Variants in IQCE observed in about 807,000 individuals in gnomAD.
The protein encoded by IQCE is IQ domain-containing protein E.
IQCE carries 115 observed loss-of-function variants against 96.0 expected under a neutral mutation model. The observed-to-expected ratio is 1.20, with a 90% CI of 1.03 to 1.40. The LOEUF is 1.40. Ranked by LOEUF, IQCE falls within the 40% of genes most tolerant of loss-of-function variation. The pLI, the probability that IQCE is intolerant of heterozygous loss-of-function variation, is 0.00. For missense variants in IQCE, 1,041 were observed against 909.1 expected, an observed-to-expected ratio of 1.15 and a Z score of -1.87; for synonymous variants, 412 against 371.2, an observed-to-expected ratio of 1.11 and a Z score of -1.26.
chr7:2,607,934 G>A (rs1784947879), intron 21 of IQCE, among the ~76,000 whole-genome samples: 1 of 152,230 alleles, frequency 6.6e-6, no homozygotes, highest in Admixed American at 6.5e-5. Context: ...GGAGGGGAGT[G>A]TGGCGTGCGG....
At chr7:2,572,927 T>C (rs956056868) in intron 5 of IQCE, 17 of 340,626 alleles carry the variant, frequency 5.0e-5, no homozygotes, top group Non-Finnish European at 9.6e-5. Context: ...CTCACTGTAC[T>C]CCAGGAATTG....
At position 2,584,167 on chromosome 7, in the gene IQCE, G is replaced by T. The variant is rs73033665; in HGVS notation, c.775-69G>T. On this transcript the variant is annotated intron_variant, in intron 10 of 21. Transcript: ENST00000402050. ...AGGCAGCGGTCAGGACTGTGATGTT[G>T]GTCTTTTCAGATAAGGTCTTCTCCA... The T allele has an allele frequency of 0.41, 562,076 of 1,362,686 alleles. 120,418 individuals are homozygous for T. Among genetic ancestry groups the T allele is most frequent in the Non-Finnish European group, 0.45 (425,507 of 951,434 alleles). 84.4% of individuals were successfully genotyped at this position (1,362,686 alleles called of 1,614,324 possible).
At chr7:2,590,967 C>T (rs1783538101) in intron 14 of IQCE, among the ~76,000 whole-genome samples, 1 of 151,036 alleles carries the variant, frequency 6.6e-6, no homozygotes, top group Non-Finnish European at 1.5e-5. Context: ...AGCATAAATG[C>T]TCCAGCCTGA....
At chr7:2,561,482 G>A (rs1234880197) in intron 1 of IQCE, among the ~76,000 whole-genome samples, 1 of 149,688 alleles carries the variant, frequency 6.7e-6, no homozygotes, top group East Asian at 2.0e-4. Flanking sequence ...GTGCAGTGGC[G>A]CGATCTCGGC....
chr7:2,563,994 G>C (rs1246498941), intron 1 of IQCE, among the ~76,000 whole-genome samples: 1 of 151,794 alleles, frequency 6.6e-6, no homozygotes, highest in Non-Finnish European at 1.5e-5. Context: ...CGGATCATGA[G>C]GTCAGGAGTT....
intron 8 of IQCE, among the ~76,000 whole-genome samples, chr7:2,582,326 G>A (rs1483315767): frequency 1.3e-5 from 2 of 152,184 alleles, no homozygotes; most frequent in African/African-American, 2.4e-5. Flanking sequence ...GCTGCCAGTC[G>A]GTCAGTGTGC....
At chr7:2,585,593 C>T (rs1562649571) in intron 11 of IQCE, among the ~76,000 whole-genome samples, 2 of 152,350 alleles carry the variant, frequency 1.3e-5, no homozygotes, top group South Asian at 2.1e-4. Context: ...AGCACAGAAA[C>T]GTGAGAGCCA....
intron 6 of IQCE, 137 bp from the exon 7 acceptor site, chr7:2,578,105 T>C (rs1362678841): frequency 7.8e-6 from 5 of 639,160 alleles, no homozygotes; most frequent in Non-Finnish European, 1.4e-5. Context: ...CGCAGTGGCG[T>C]GTGCGTGGCT....
Position 2,612,107 on chromosome 7 carries a change from G to A in IQCE, c.*1945G>A, listed in dbSNP as rs1172619642. ...CCACTTGTTAAACCAAGCTGTTTCTGCGGGACGTGCTCACTCTTGGGAACC... is the reference window on the plus strand; with the variant it reads ...CCACTTGTTAAACCAAGCTGTTTCTACGGGACGTGCTCACTCTTGGGAACC... On this transcript the variant is annotated 3_prime_UTR_variant, in exon 22 of 22. Transcript: ENST00000402050. The A allele has an allele frequency of 4.6e-5, 7 of 152,212 alleles. No homozygotes were observed. Among genetic ancestry groups the A allele is most frequent in the Non-Finnish European group, 7.3e-5 (5 of 68,048 alleles). The allele number at this position is 152,212 out of a possible 1,614,324, so 9.4% of individuals were successfully genotyped here.
At chr7:2,565,111 A>T (rs966216993) in intron 1 of IQCE, among the ~76,000 whole-genome samples, 6 of 137,200 alleles carry the variant, frequency 4.4e-5, no homozygotes, top group African/African-American at 9.0e-5. Context: ...TGTGTGTGTG[A>T]GTGCATGTGT....
At chr7:2,581,711 C>CTTT (rs1554308080) in intron 8 of IQCE, among the ~76,000 whole-genome samples, 8 of 140,208 alleles carry the variant, frequency 5.7e-5, no homozygotes, top group South Asian at 4.5e-4. Context: ...AAAGAATGTT[C>CTTT]TTTTTTTTTT....
intron 16 of IQCE, among the ~76,000 whole-genome samples, chr7:2,596,346 T>G (rs1263199447): frequency 2.7e-5 from 4 of 149,886 alleles, no homozygotes; most frequent in Admixed American, 6.6e-5. Flanking sequence ...AAAACAAAAG[T>G]GTCTGAAAAC....
chr7:2,602,819 G>A (rs985485755), intron 18 of IQCE, among the ~76,000 whole-genome samples: 3 of 152,244 alleles, frequency 2.0e-5, no homozygotes, highest in African/African-American at 7.2e-5. Context: ...AGCCAGTATG[G>A]TCGCGGGTGT....
chr7:2,566,718 G>A lies in IQCE; in HGVS notation c.37-398G>A, dbSNP rs951360116. 11 of 210,190 alleles carry A rather than the reference G, an allele frequency of 5.2e-5. No individual in the cohort carries two copies. The East Asian group carries it at 7.7e-4, about 15-fold the overall frequency. 13.0% of individuals were successfully genotyped at this position (210,190 alleles called of 1,614,324 possible). A position where few individuals can be genotyped will look rare whatever the true frequency, so the allele number is the denominator to read the frequency against. ...GCTTTTTAAAAGATGACTCTCACCC[G>A]TTCTTACCAGGAGACAGTCACAGAT... On this transcript the variant is annotated intron_variant, in intron 1 of 21. Transcript: ENST00000402050.
intron 13 of IQCE, 96 bp downstream of exon 13, chr7:2,587,973 C>A: frequency 8.7e-7 from 1 of 1,156,000 alleles, no homozygotes; most frequent in Non-Finnish European, 1.3e-6. Context: ...CTGAGCATGG[C>A]ACTGGCTGTC....
At chr7:2,567,222 C>G (rs958358754) in intron 2 of IQCE, 59 bp downstream of exon 2, 6 of 1,374,718 alleles carry the variant, frequency 4.4e-6, no homozygotes, top group African/African-American at 1.4e-5. Context: ...CCCTTGCAGA[C>G]TGCACTCGGA....
rs549376152 is a variant in IQCE, at chr7:2,577,386, T to C, written c.466-856T>C. On this transcript the variant is annotated intron_variant, in intron 6 of 21. Coordinates refer to ENST00000402050, the MANE Select transcript of IQCE (RefSeq NM_152558.5). ...GGGACGTGTGTGCGGCGTGCGCGCA[T>C]TGGCGTGTGCATGGCTGTGCGCGCG... Among the ~76,000 whole-genome samples, 533 of 131,564 alleles carry C rather than the reference T, an allele frequency of 4.1e-3. 16 individuals carry two copies. The highest frequency in any genetic ancestry group is 0.015 in the African/African-American group (503 of 34,252). The allele number at this position is 131,564 out of a possible 152,430, so 86.3% of individuals were successfully genotyped here. A position where few individuals can be genotyped will look rare whatever the true frequency, so the allele number is the denominator to read the frequency against.
At chr7:2,578,122 G>A in intron 6 of IQCE, 120 bp from the exon 7 acceptor site, 9 of 722,366 alleles carry the variant, frequency 1.2e-5, no homozygotes, top group Admixed American at 4.2e-5. Context: ...GGCTGTGCGC[G>A]TGGGGACGTG....
chr7:2,612,752 T>TGAGATGTGGGCGGGGC lies in IQCE; in HGVS notation c.*2593_*2594insATGTGGGCGGGGCGAG. On this transcript the variant is annotated 3_prime_UTR_variant, in exon 22 of 22. Coordinates refer to ENST00000402050, the MANE Select transcript of IQCE (RefSeq NM_152558.5). ...GGGCGGGGCCTAGTCATGGGAGGGG[T>TGAGATGTGGGCGGGGC]GAGCTGTGGATGGGGCCTAGCCATG... 1 of 130,790 alleles carries TGAGATGTGGGCGGGGC rather than the reference T, an allele frequency of 7.6e-6. No individual in the cohort carries two copies. Among genetic ancestry groups the TGAGATGTGGGCGGGGC allele is most frequent in the East Asian group, 2.3e-4 (1 of 4,296 alleles). The allele number at this position is 130,790 out of a possible 1,614,324, so 8.1% of individuals were successfully genotyped here.
Sources: gnomAD v4.1 joint callset for allele counts (sites outside exome capture counted in the v4.1 genomes callset) on GRCh38, gnomAD v4.1.1 for gene constraint, MANE v1.5 for transcripts, NCBI Gene and HGNC (gene_info 2026-07-23, HGNC 2026-07-21) for gene names.